NTM: variants seen among roughly 807,000 people sequenced by gnomAD.
NTM encodes the protein IgLON family member 2.
In NTM, 13 loss-of-function variants were observed where a neutral mutation model predicts 42.1. The observed-to-expected ratio is 0.31, with a 90% CI of 0.20 to 0.49. The LOEUF (loss-of-function observed/expected upper bound fraction) is 0.49. Ranked by LOEUF, NTM falls within the 20% of genes least tolerant of loss-of-function variation. The pLI is 0.99. For synonymous variants in NTM, 187 were observed against 179.2 expected, an observed-to-expected ratio of 1.04 and a Z score of -0.35; for missense variants, 373 against 452.8, an observed-to-expected ratio of 0.82 and a Z score of 1.60.
At chr11:131,583,764 A>C (rs1040294310) in intron 1 of NTM, among the ~76,000 whole-genome samples, 1 of 152,214 alleles carries the variant, frequency 6.6e-6, no homozygotes, top group Non-Finnish European at 1.5e-5. Flanking sequence ...ACTAGCAATA[A>C]ATCACAAACT....
intron 1 of NTM, among the ~76,000 whole-genome samples, chr11:131,765,083 G>A (rs1052523141): frequency 3.3e-5 from 5 of 152,040 alleles, no homozygotes; most frequent in South Asian, 2.1e-4. Flanking sequence ...CCCTGCAGGC[G>A]CACATCCTGA....
Position 131,568,834 on chromosome 11 carries a change from G to T in NTM, c.82+197946G>T, listed in dbSNP as rs191190225. Among the ~76,000 whole-genome samples, 434 of 152,272 alleles carry T rather than the reference G, an allele frequency of 2.9e-3. 2 individuals carry two copies. The highest frequency in any genetic ancestry group is 9.9e-3 in the African/African-American group (413 of 41,552). ...GTTGGGGAGGATTACAAATATATCAGTTCACATTACTGAGCTTGGCCCAGC... is the reference window on the plus strand; with the variant it reads ...GTTGGGGAGGATTACAAATATATCATTTCACATTACTGAGCTTGGCCCAGC... On this transcript the variant is annotated intron_variant, in intron 1 of 8. Transcript: ENST00000683400.
In NTM at chr11:132,109,527, A is replaced by T. The variant is rs2062876587; in HGVS notation, c.168-36755A>T. 2.0e-5 allele frequency among the ~76,000 whole-genome samples: 3 copies of T among 152,224 alleles called. No homozygotes were observed. The South Asian group carries it at 6.2e-4, about 32-fold the overall frequency. ...ATAAGGAAAAAAATTAAATATTTTT[A>T]AAACATGAATCTTCTATTATATTGC... On this transcript the variant is annotated intron_variant, in intron 2 of 8. Transcript: ENST00000683400.
At chr11:131,977,735 T>C (rs562562658) in intron 2 of NTM, among the ~76,000 whole-genome samples, 1 of 152,290 alleles carries the variant, frequency 6.6e-6, no homozygotes, top group African/African-American at 2.4e-5. Flanking sequence ...TGATGTCCAA[T>C]TAAGATCTGA....
chr11:131,894,874 C>T (rs2052008225), intron 1 of NTM, among the ~76,000 whole-genome samples: 1 of 152,224 alleles, frequency 6.6e-6, no homozygotes, highest in Admixed American at 6.5e-5. Context: ...TTCACACAAT[C>T]CTAAGACAAT....
chr11:132,067,289 C>T (rs536225347), intron 2 of NTM, among the ~76,000 whole-genome samples: 14 of 152,302 alleles, frequency 9.2e-5, no homozygotes, highest in Admixed American at 3.3e-4. Context: ...ACAGTGTGCC[C>T]AACCTTTGGC....
At chr11:131,958,060 G>A (rs1861839437) in intron 2 of NTM, among the ~76,000 whole-genome samples, 1 of 152,126 alleles carries the variant, frequency 6.6e-6, no homozygotes, top group African/African-American at 2.4e-5. Context: ...GATTTAAAGA[G>A]CGCCTAGATG....
intron 1 of NTM, chr11:131,774,070 A>G (rs1346745562): frequency 2.0e-6 from 2 of 984,798 alleles, no homozygotes; most frequent in Admixed American, 6.2e-5. Context: ...TGTTGTTCCA[A>G]TGTTGTTCCA....
chr11:132,005,096 A>C (rs2099676166), intron 2 of NTM, among the ~76,000 whole-genome samples: 1 of 152,130 alleles, frequency 6.6e-6, no homozygotes, highest in African/African-American at 2.4e-5. Flanking sequence ...TGGCACTATG[A>C]AATCATAGTA....
rs2067152237 is a variant in NTM, at chr11:131,656,105, A to T, written c.83-255459A>T. Reference sequence around the variant, plus strand: ...TTTCCTGGGCCTCAGTACTCCCACCAGCAAAGTGTTAGTGCCAGACCTCAC... The same window carrying T: ...TTTCCTGGGCCTCAGTACTCCCACCTGCAAAGTGTTAGTGCCAGACCTCAC... On this transcript the variant is annotated intron_variant, in intron 1 of 8. Transcript: ENST00000683400. Among the ~76,000 whole-genome samples, 6 of 152,240 alleles carry T rather than the reference A, an allele frequency of 3.9e-5. No individual in the cohort carries two copies. In the South Asian group the frequency reaches 1.2e-3, roughly 32 times the overall value.
At chr11:131,439,706 C>T (rs538632026) in intron 1 of NTM, among the ~76,000 whole-genome samples, 18 of 152,318 alleles carry the variant, frequency 1.2e-4, no homozygotes, top group Admixed American at 2.6e-4. Flanking sequence ...TTTCCAGGTA[C>T]CATCTGTCAT....
intron 2 of NTM, among the ~76,000 whole-genome samples, chr11:131,976,977 T>TGACA (rs1367056763): frequency 1.3e-5 from 2 of 152,162 alleles, no homozygotes; most frequent in African/African-American, 4.8e-5. Flanking sequence ...TAATCTTTCC[T>TGACA]GACATTTACT....
chr11:131,780,611 A>G (rs1348658465), intron 1 of NTM, among the ~76,000 whole-genome samples: 3 of 152,144 alleles, frequency 2.0e-5, no homozygotes, highest in Non-Finnish European at 2.9e-5. Flanking sequence ...TTTCTATTCA[A>G]TGTTGTTTTC....
chr11:131,565,696 G>A (rs1372302947), intron 1 of NTM, among the ~76,000 whole-genome samples: 2 of 152,210 alleles, frequency 1.3e-5, no homozygotes, highest in African/African-American at 4.8e-5. Context: ...CCATTCTGCA[G>A]TTGAGCTAGA....
At chr11:131,885,787 G>A (rs1265026880) in intron 1 of NTM, among the ~76,000 whole-genome samples, 1 of 152,170 alleles carries the variant, frequency 6.6e-6, no homozygotes, top group Non-Finnish European at 1.5e-5. Flanking sequence ...GGGCTCCCTG[G>A]GGCCCAGGTT....
chr11:131,525,937 G>A (rs2050416654), intron 1 of NTM, among the ~76,000 whole-genome samples: 2 of 152,190 alleles, frequency 1.3e-5, no homozygotes, highest in Admixed American at 1.3e-4. Context: ...GCTACGTGGA[G>A]TTACTTGCAA....
chr11:131,659,981 C>T (rs1022522706), intron 1 of NTM, among the ~76,000 whole-genome samples: 7 of 152,202 alleles, frequency 4.6e-5, no homozygotes, highest in African/African-American at 1.7e-4. Flanking sequence ...AATATGTGAG[C>T]ACGTGAAGGA....
At position 131,953,142 on chromosome 11, in the gene NTM, T is replaced by C. The variant is rs1048512454; in HGVS notation, c.167+41494T>C. 2.6e-5 allele frequency among the ~76,000 whole-genome samples: 4 copies of C among 152,194 alleles called. No individual in the cohort carries two copies. In the South Asian group the frequency reaches 8.3e-4, roughly 32 times the overall value. On this transcript the variant is annotated intron_variant, in intron 2 of 8. Coordinates refer to ENST00000683400, the MANE Select transcript of NTM (RefSeq NM_001352005.2). Reference sequence around the variant, plus strand: ...AGCATGGGGTAGGTAAGGCAGACCCTGGTTGGCTTTCAGGCATCAGGGAAA... The same window carrying C: ...AGCATGGGGTAGGTAAGGCAGACCCCGGTTGGCTTTCAGGCATCAGGGAAA...
At chr11:132,099,230 A>G (rs1305259412) in intron 2 of NTM, among the ~76,000 whole-genome samples, 1 of 152,182 alleles carries the variant, frequency 6.6e-6, no homozygotes, top group Non-Finnish European at 1.5e-5. Flanking sequence ...AGCTGTAGGT[A>G]GTTGGCTCCA....
Sources: allele counts gnomAD v4.1 joint callset (sites outside exome capture counted in the v4.1 genomes callset), GRCh38; gene constraint gnomAD v4.1.1; transcripts MANE v1.5; gene names NCBI Gene and HGNC (gene_info 2026-07-23, HGNC 2026-07-21).